The following IPO11 variants were observed in gnomAD, a reference collection of about 807,000 sequenced individuals.
IPO11 encodes importin 11, also known as importin-11.
In IPO11, 66 loss-of-function variants were observed where a neutral mutation model predicts 143.2. That is an observed-to-expected ratio of 0.46 (90% CI 0.38 to 0.57). IPO11 has a LOEUF of 0.57. Ranked by LOEUF, IPO11 falls within the 20% of genes least tolerant of loss-of-function variation. The pLI is 0.00. For missense variants in IPO11, 1,026 were observed against 1,141.0 expected (o/e 0.90, Z 1.45); for synonymous variants, 385 against 377.8 (o/e 1.02, Z -0.22).
intron 2 of IPO11, among the ~76,000 whole-genome samples, chr5:62,439,426 A>C (rs183119504): frequency 0.015 from 2,235 of 151,072 alleles, 51 homozygotes; most frequent in African/African-American, 0.05. Flanking sequence ...AGCTGGGACT[A>C]CAGGTGCCCG....
At chr5:62,596,366 AG>A (rs1240661157) in intron 28 of IPO11, among the ~76,000 whole-genome samples, 1 of 152,074 alleles carries the variant, frequency 6.6e-6, no homozygotes, top group Non-Finnish European at 1.5e-5. Context: ...ATAGCTAGAA[AG>A]TACAAAACAT....
chr5:62,446,337 CAT>C (rs764228377), intron 3 of IPO11, among the ~76,000 whole-genome samples: 2 of 152,184 alleles, frequency 1.3e-5, no homozygotes, highest in Admixed American at 6.5e-5. Flanking sequence ...TTTATAGTCA[CAT>C]GTGTGTTCAA....
intron 4 of IPO11, 45 bp from the exon 5 acceptor site, chr5:62,451,685 C>T (rs989914589): frequency 6.9e-7 from 1 of 1,442,164 alleles, no homozygotes; most frequent in Non-Finnish European, 9.7e-7. Flanking sequence ...GAATGCATTC[C>T]TTATCTATTG....
intron 27 of IPO11, among the ~76,000 whole-genome samples, chr5:62,571,002 T>C (rs1744114751): frequency 6.6e-6 from 1 of 152,216 alleles, no homozygotes; most frequent in South Asian, 2.1e-4. Flanking sequence ...AAAATAATTA[T>C]ACACAGAATA....
chr5:62,497,839 G>A lies in IPO11; in HGVS notation c.1590+3715G>A, dbSNP rs142223427. Among the ~76,000 whole-genome samples the A allele has an allele frequency of 9.9e-3, 1,501 of 152,186 alleles. 12 individuals are homozygous for A. Among genetic ancestry groups the A allele is most frequent in the Non-Finnish European group, 0.016 (1,099 of 67,996 alleles). Reference sequence around the variant, plus strand: ...TATTTTTGAGTGTGATGTAAGTAAGGTTCTATCTTTCTTTTTTAAAAAATA... The same window carrying A: ...TATTTTTGAGTGTGATGTAAGTAAGATTCTATCTTTCTTTTTTAAAAAATA... On this transcript the variant is annotated intron_variant, in intron 16 of 29. Transcript: ENST00000325324.
At chr5:62,524,737 G>A (rs1299059370) in intron 20 of IPO11, among the ~76,000 whole-genome samples, 2 of 152,082 alleles carry the variant, frequency 1.3e-5, no homozygotes, top group Non-Finnish European at 2.9e-5. Context: ...ATAATGTATT[G>A]TACACTGGAG....
chr5:62,471,161 A>C (rs1041232986), intron 7 of IPO11, among the ~76,000 whole-genome samples: 1 of 150,958 alleles, frequency 6.6e-6, no homozygotes. Context: ...AAATAAATGA[A>C]ATGGCATTTT....
At chr5:62,424,884 A>G (rs1222972037) in intron 1 of IPO11, among the ~76,000 whole-genome samples, 1 of 152,086 alleles carries the variant, frequency 6.6e-6, no homozygotes, top group East Asian at 1.9e-4. Flanking sequence ...TTATTATTAT[A>G]TTTTTAAAAA....
At chr5:62,469,184 G>A (rs1175475030) in intron 6 of IPO11, among the ~76,000 whole-genome samples, 5 of 152,174 alleles carry the variant, frequency 3.3e-5, no homozygotes, top group Non-Finnish European at 7.4e-5. Context: ...CTCAGGTATT[G>A]TGGCTCAAGG....
At chr5:62,511,581 G>A (rs1012225260) in intron 19 of IPO11, among the ~76,000 whole-genome samples, 4 of 152,124 alleles carry the variant, frequency 2.6e-5, no homozygotes, top group African/African-American at 9.7e-5. Flanking sequence ...CTTCACCACA[G>A]GAGAGGGGAG....
chr5:62,486,270 G>A (rs1237107146), intron 12 of IPO11, among the ~76,000 whole-genome samples: 1 of 152,128 alleles, frequency 6.6e-6, no homozygotes, highest in Non-Finnish European at 1.5e-5. Context: ...GTGAGCCACT[G>A]TGCCTGGCCT....
At chr5:62,497,985 A>G (rs962738497) in intron 16 of IPO11, among the ~76,000 whole-genome samples, 3 of 151,378 alleles carry the variant, frequency 2.0e-5, no homozygotes, top group African/African-American at 7.3e-5. Flanking sequence ...GTGCCGTTTC[A>G]CTGGCCTACT....
At chr5:62,620,552 A>G (rs1026130028) in intron 29 of IPO11, among the ~76,000 whole-genome samples, 1 of 151,576 alleles carries the variant, frequency 6.6e-6, no homozygotes, top group Non-Finnish European at 1.5e-5. Flanking sequence ...ACATTGGTCC[A>G]GAAAGGTGGG....
At chr5:62,425,278 ACTT>A (rs1743689255) in intron 1 of IPO11, among the ~76,000 whole-genome samples, 1 of 152,134 alleles carries the variant, frequency 6.6e-6, no homozygotes, top group African/African-American at 2.4e-5. Flanking sequence ...GGAATGTGGT[ACTT>A]CTTACCATCA....
At chr5:62,595,014 T>G (rs1173038521) in intron 28 of IPO11, among the ~76,000 whole-genome samples, 4 of 152,206 alleles carry the variant, frequency 2.6e-5, no homozygotes, top group African/African-American at 4.8e-5. Context: ...AAAGGTCACT[T>G]TGATGCATTG....
Position 62,435,845 on chromosome 5 carries a change from G to T in IPO11, c.-6-1429G>T, listed in dbSNP as rs1247764281. ...GGAGTTTGAGACCAGCCTGGCCAAC[G>T]TGGTGAAACCCCGTCTCTACTAAAA... is the stretch of plus-strand genomic sequence containing the variant. On this transcript the variant is annotated intron_variant, in intron 1 of 29. Transcript: ENST00000325324. Among the ~76,000 whole-genome samples the T allele has an allele frequency of 2.0e-5, 3 of 151,932 alleles. No homozygotes were observed. The South Asian group carries it at 6.3e-4, about 32-fold the overall frequency.
At chr5:62,602,340 A>T (rs1330658664) in intron 29 of IPO11, among the ~76,000 whole-genome samples, 1 of 152,208 alleles carries the variant, frequency 6.6e-6, no homozygotes, top group Non-Finnish European at 1.5e-5. Flanking sequence ...AAAAAAAGGA[A>T]ATATCTAAAA....
At chr5:62,548,986 C>A (rs1036308698) in intron 24 of IPO11, among the ~76,000 whole-genome samples, 2 of 152,038 alleles carry the variant, frequency 1.3e-5, no homozygotes, top group Non-Finnish European at 2.9e-5. Flanking sequence ...TTTCTACTCA[C>A]AGATAAATAC....
intron 29 of IPO11, among the ~76,000 whole-genome samples, chr5:62,617,708 A>G (rs1401733115): frequency 7.2e-5 from 11 of 152,136 alleles, no homozygotes; most frequent in Non-Finnish European, 1.5e-4. Flanking sequence ...GACAGTCCTA[A>G]ATTGCACTGC....
Sources: allele counts gnomAD v4.1 joint callset (sites outside exome capture counted in the v4.1 genomes callset), GRCh38; gene constraint gnomAD v4.1.1; transcripts MANE v1.5; gene names NCBI Gene and HGNC (gene_info 2026-07-23, HGNC 2026-07-21).